OPCML: variants seen among roughly 807,000 people sequenced by gnomAD.
OPCML encodes the protein opioid binding protein/cell adhesion molecule like, also known as opioid-binding protein/cell adhesion molecule.
Under a neutral mutation model 37.8 loss-of-function variants are expected in OPCML, and 13 were observed. The observed-to-expected ratio is 0.34, with a 90% CI of 0.22 to 0.55. The LOEUF is 0.55. OPCML is among the 20% of genes least tolerant of loss of function. OPCML has a pLI of 0.91. For missense variants in OPCML, 341 were observed against 435.6 expected (o/e 0.78, Z 1.93); for synonymous variants, 176 against 168.8 (o/e 1.04, Z -0.33).
At chr11:132,768,888 G>C (rs1158620376) in intron 2 of OPCML, among the ~76,000 whole-genome samples, 2 of 152,120 alleles carry the variant, frequency 1.3e-5, no homozygotes, top group African/African-American at 4.8e-5. Context: ...GAAGCGGGAG[G>C]AGAAAGTGGG....
At chr11:132,669,803 T>C (rs1231964894) in intron 2 of OPCML, among the ~76,000 whole-genome samples, 1 of 152,174 alleles carries the variant, frequency 6.6e-6, no homozygotes, top group Non-Finnish European at 1.5e-5. Context: ...TCTTTCCCAA[T>C]ATCCAGCCCC....
chr11:132,803,725 G>T (rs2136208952), intron 2 of OPCML, among the ~76,000 whole-genome samples: 1 of 152,276 alleles, frequency 6.6e-6, no homozygotes, highest in Admixed American at 6.5e-5. Flanking sequence ...AGGTATAGGA[G>T]CTAAAACTAC....
At chr11:133,363,802 T>G (rs1944476178) in intron 1 of OPCML, among the ~76,000 whole-genome samples, 1 of 152,102 alleles carries the variant, frequency 6.6e-6, no homozygotes. Context: ...AAGAGGAGGC[T>G]CTCTCTATTT....
chr11:133,016,230 C>T (rs1398975824), intron 1 of OPCML, among the ~76,000 whole-genome samples: 1 of 152,170 alleles, frequency 6.6e-6, no homozygotes, highest in Non-Finnish European at 1.5e-5. Context: ...TTGGGCCTCA[C>T]GAGGTTGAAG....
At chr11:132,539,841 G>A (rs761684929) in intron 3 of OPCML, among the ~76,000 whole-genome samples, 1 of 152,002 alleles carries the variant, frequency 6.6e-6, no homozygotes, top group Non-Finnish European at 1.5e-5. Flanking sequence ...TGATGTTGAG[G>A]GTAATAAGGG....
In OPCML at chr11:133,289,654, G is replaced by C. The variant is rs376111780; in HGVS notation, c.61+242610C>G. 5.9e-5 allele frequency among the ~76,000 whole-genome samples: 9 copies of C among 151,754 alleles called. No homozygotes were observed. The South Asian group carries it at 1.7e-3, about 28-fold the overall frequency. ...AGTTTCACGCTATTCCCATCAGTACGGTCTTAGAGACTAGGGCTAGTTTCG... is the reference window on the plus strand; with the variant it reads ...AGTTTCACGCTATTCCCATCAGTACCGTCTTAGAGACTAGGGCTAGTTTCG... On this transcript the variant is annotated intron_variant, in intron 1 of 7. Transcript: ENST00000524381.
chr11:132,627,586 AGTGAACT>A (rs1371329066), intron 3 of OPCML, among the ~76,000 whole-genome samples: 1 of 152,202 alleles, frequency 6.6e-6, no homozygotes, highest in African/African-American at 2.4e-5. Context: ...TGGAGGAGGA[AGTGAACT>A]GTCTGGAGTG....
At chr11:133,226,859 G>A (rs1940061339) in intron 1 of OPCML, among the ~76,000 whole-genome samples, 1 of 152,054 alleles carries the variant, frequency 6.6e-6, no homozygotes, top group Non-Finnish European at 1.5e-5. Flanking sequence ...CAAGGACCAC[G>A]TCCACCCAGC....
chr11:133,410,447 C>T (rs1001279172), intron 1 of OPCML, among the ~76,000 whole-genome samples: 17 of 151,822 alleles, frequency 1.1e-4, no homozygotes, highest in African/African-American at 3.1e-4. Context: ...CACTCAGCCC[C>T]GTTTCCAGGA....
intron 3 of OPCML, among the ~76,000 whole-genome samples, chr11:132,656,328 T>A (rs1461551537): frequency 6.6e-6 from 1 of 152,204 alleles, no homozygotes; most frequent in Non-Finnish European, 1.5e-5. Flanking sequence ...TATCTGAGAA[T>A]CTGACATTTC....
At chr11:133,160,051 T>C (rs970414207) in intron 1 of OPCML, among the ~76,000 whole-genome samples, 8 of 152,248 alleles carry the variant, frequency 5.3e-5, no homozygotes, top group African/African-American at 1.2e-4. Context: ...ATGTCTTTTA[T>C]ACAAACCTGA....
At chr11:133,303,533 T>C (rs576279050) in intron 1 of OPCML, among the ~76,000 whole-genome samples, 14 of 152,330 alleles carry the variant, frequency 9.2e-5, no homozygotes, top group Admixed American at 3.3e-4. Flanking sequence ...CGAGAAAGTC[T>C]AGCAACAAAA....
At chr11:133,073,156 T>C (rs906695795) in intron 1 of OPCML, among the ~76,000 whole-genome samples, 1 of 152,194 alleles carries the variant, frequency 6.6e-6, no homozygotes, top group Non-Finnish European at 1.5e-5. Flanking sequence ...CCATTTCTGC[T>C]TCCCCCATTA....
intron 3 of OPCML, among the ~76,000 whole-genome samples, chr11:132,609,400 C>T (rs1165126183): frequency 6.6e-6 from 1 of 152,190 alleles, no homozygotes; most frequent in Non-Finnish European, 1.5e-5. Context: ...CTCACTGCCT[C>T]ATTCACAAGC....
chr11:133,529,367 A>G (rs1176526540), intron 1 of OPCML, among the ~76,000 whole-genome samples: 1 of 152,136 alleles, frequency 6.6e-6, no homozygotes, highest in African/African-American at 2.4e-5. Flanking sequence ...AGCCCAGACT[A>G]TCTCTCTCCT....
chr11:133,275,530 G>A (rs1322920134), intron 1 of OPCML, among the ~76,000 whole-genome samples: 1 of 152,104 alleles, frequency 6.6e-6, no homozygotes, highest in Non-Finnish European at 1.5e-5. Flanking sequence ...GCATCATCAT[G>A]GGTCAGCATT....
intron 2 of OPCML, among the ~76,000 whole-genome samples, chr11:132,742,761 C>T (rs9666554): frequency 0.24 from 35,256 of 147,934 alleles, 4,866 homozygotes; most frequent in South Asian, 0.33. Context: ...TATACTTATA[C>T]GTTATATATA....
At chr11:133,442,886 T>C (rs1408190773) in intron 1 of OPCML, among the ~76,000 whole-genome samples, 1 of 152,114 alleles carries the variant, frequency 6.6e-6, no homozygotes, top group Non-Finnish European at 1.5e-5. Flanking sequence ...CAATGGGTCT[T>C]GCTTGACAGA....
chr11:132,690,479 G>C (rs1211506538), intron 2 of OPCML, among the ~76,000 whole-genome samples: 1 of 152,118 alleles, frequency 6.6e-6, no homozygotes, highest in African/African-American at 2.4e-5. Flanking sequence ...CACTACTGGA[G>C]TGTGTCAAAG....
Sources: gnomAD v4.1 joint callset for allele counts (sites outside exome capture counted in the v4.1 genomes callset) on GRCh38, gnomAD v4.1.1 for gene constraint, MANE v1.5 for transcripts, NCBI Gene and HGNC (gene_info 2026-07-23, HGNC 2026-07-21) for gene names.